Variants in RC3H1 observed in about 807,000 individuals in gnomAD.
RC3H1 encodes the protein roquin-1.
RC3H1 carries 50 observed loss-of-function variants against 138.2 expected under a neutral mutation model. That is an observed-to-expected ratio of 0.36 (90% CI 0.29 to 0.46). The LOEUF is 0.46. Among genes scored for constraint, RC3H1 ranks in the 20% least tolerant of loss-of-function variants. The pLI is 1.00. For synonymous variants in RC3H1, 462 were observed against 489.1 expected (o/e 0.94, Z 0.73); for missense variants, 1,031 against 1,388.1 (o/e 0.74, Z 4.09).
At chr1:173,940,082 T>C (rs571389212) in intron 19 of RC3H1, among the ~76,000 whole-genome samples, 1 of 152,274 alleles carries the variant, frequency 6.6e-6, no homozygotes, top group East Asian at 1.9e-4. Context: ...TACAGAATAA[T>C]ACTGGATGAT....
intron 1 of RC3H1, among the ~76,000 whole-genome samples, chr1:173,996,854 C>A (rs1022341092): frequency 1.3e-5 from 2 of 152,088 alleles, no homozygotes; most frequent in African/African-American, 4.8e-5. Flanking sequence ...AATAAAACTT[C>A]CATTGATCAA....
intron 7 of RC3H1, among the ~76,000 whole-genome samples, chr1:173,974,565 C>A (rs1408405364): frequency 6.6e-6 from 1 of 152,026 alleles, no homozygotes; most frequent in South Asian, 2.1e-4. Flanking sequence ...GGAAAAACAT[C>A]CAAGTTAGAG....
At chr1:173,977,833 C>T (rs964830400) in intron 7 of RC3H1, among the ~76,000 whole-genome samples, 1 of 152,122 alleles carries the variant, frequency 6.6e-6, no homozygotes, top group African/African-American at 2.4e-5. Flanking sequence ...CAAAAAAGTG[C>T]TCAACAACAT....
intron 1 of RC3H1, among the ~76,000 whole-genome samples, chr1:174,016,615 G>A (rs1661867612): frequency 6.6e-6 from 1 of 151,092 alleles, no homozygotes; most frequent in Non-Finnish European, 1.5e-5. Flanking sequence ...TTTCCTTAAG[G>A]AGGGGAGATT....
intron 6 of RC3H1, 22 bp from the exon 7 acceptor site, chr1:173,978,642 CT>C: frequency 6.3e-7 from 1 of 1,598,572 alleles, no homozygotes. Flanking sequence ...TAAATGTTAA[CT>C]TTCCCAAAGG....
At position 173,996,454 on chromosome 1, in the gene RC3H1, G is replaced by A. The variant is rs534196757; in HGVS notation, c.-150-3319C>T. On this transcript the variant is annotated intron_variant, in intron 1 of 19. Transcript: ENST00000367696. ...ACAGCAAGGTCTTCATGGACTATAG[G>A]AATTAATCAACTTGAACAATCAGCC... Among the ~76,000 whole-genome samples, 7 of 152,234 alleles carry A rather than the reference G, an allele frequency of 4.6e-5. No homozygotes were observed. The South Asian group carries it at 1.5e-3, about 32-fold the overall frequency.
chr1:173,972,455 G>T, intron 8 of RC3H1, 54 bp downstream of exon 8: 4 of 1,257,276 alleles, frequency 3.2e-6, no homozygotes, highest in Non-Finnish European at 4.7e-6. Context: ...TTTACCTATA[G>T]TTTTAAGGCA....
chr1:173,945,279 C>T (rs12063266), intron 17 of RC3H1, among the ~76,000 whole-genome samples: 43,913 of 151,938 alleles, frequency 0.29, 11,354 homozygotes, highest in African/African-American at 0.7. Context: ...GCGTGCACTA[C>T]CATGCCTGGC....
rs1236547252 is a variant in RC3H1 at position 173,932,446 on chromosome 1, C to T, written c.*6275G>A. 1 of 151,906 alleles carries T rather than the reference C, an allele frequency of 6.6e-6. No homozygotes were observed. Among genetic ancestry groups the T allele is most frequent in the Non-Finnish European group, 1.5e-5 (1 of 67,930 alleles). The allele number at this position is 151,906 out of a possible 1,614,324, so 9.4% of individuals were successfully genotyped here. The stretch of plus-strand genomic sequence containing the variant: ...GTGGGTGAAAGGTTTTGTTCATTAC[C>T]TTAATTCACTTTTTCCATTGTTCTT... On this transcript the variant is annotated 3_prime_UTR_variant, in exon 20 of 20. Coordinates refer to ENST00000367696, the MANE Select transcript of RC3H1 (RefSeq NM_172071.4).
At chr1:173,950,424 A>AAAAAAAAAAAAAAAAAAAAAAC (rs1659342344) in intron 14 of RC3H1, among the ~76,000 whole-genome samples, 1 of 147,602 alleles carries the variant, frequency 6.8e-6, no homozygotes, top group Admixed American at 6.7e-5. Flanking sequence ...CTCTACCAAA[A>AAAAAAAAAAAAAAAAAAAAAAC]AAAAAAAAAA....
At chr1:173,997,753 C>A (rs1279130404) in intron 1 of RC3H1, among the ~76,000 whole-genome samples, 1 of 152,062 alleles carries the variant, frequency 6.6e-6, no homozygotes, top group African/African-American at 2.4e-5. Context: ...TAATATTAAA[C>A]CTTGACTTTT....
chr1:173,964,355 TTTTC>T (rs1302550334), intron 10 of RC3H1, among the ~76,000 whole-genome samples, 168 bp from the exon 11 acceptor site: 17 of 89,146 alleles, frequency 1.9e-4, no homozygotes, highest in African/African-American at 1.6e-3. Flanking sequence ...TAATTGTTTC[TTTTC>T]TTTTTTTTTT....
In RC3H1 at chr1:173,990,471, G is replaced by A. The variant is rs776348707; in HGVS notation, c.231+2284C>T. ...TATTTTCAGATTGTCCATTGCCAGC[G>A]TATAGAAATACAACATATATATTAC... On this transcript the variant is annotated intron_variant, in intron 2 of 19. Transcript: ENST00000367696. 9.9e-5 allele frequency among the ~76,000 whole-genome samples: 15 copies of A among 151,994 alleles called. No homozygotes were observed. The East Asian group carries it at 2.1e-3, about 22-fold the overall frequency.
At position 173,933,357 on chromosome 1, in the gene RC3H1, A is replaced by G. The variant is rs1658460204; in HGVS notation, c.*5364T>C. On this transcript the variant is annotated 3_prime_UTR_variant, in exon 20 of 20. Transcript: ENST00000367696. ...CTTTGTTCAGTGCAGTATTGAAAAC[A>G]TACCTATTAGGAATAGATTTATTAT... 1 of 152,076 alleles carries G rather than the reference A, an allele frequency of 6.6e-6. No individual in the cohort carries two copies. The highest frequency in any genetic ancestry group is 2.4e-5 in the African/African-American group (1 of 41,416). The allele number at this position is 152,076 out of a possible 1,614,324, so 9.4% of individuals were successfully genotyped here.
chr1:174,001,868 A>G (rs1466809122), intron 1 of RC3H1, among the ~76,000 whole-genome samples: 1 of 152,240 alleles, frequency 6.6e-6, no homozygotes, highest in African/African-American at 2.4e-5. Context: ...AAATAAATTT[A>G]TAATCACCAA....
At chr1:173,988,840 A>C (rs1278138932) in intron 2 of RC3H1, among the ~76,000 whole-genome samples, 1 of 152,204 alleles carries the variant, frequency 6.6e-6, no homozygotes, top group Non-Finnish European at 1.5e-5. Context: ...CAACTGTATA[A>C]TCTACTTGAC....
intron 14 of RC3H1, among the ~76,000 whole-genome samples, chr1:173,949,932 C>T (rs113214473): frequency 1.3e-4 from 20 of 151,918 alleles, no homozygotes; most frequent in African/African-American, 4.1e-4. Context: ...TTTGGGAGGC[C>T]GAGGAGGGCA....
rs67347506 is a variant in RC3H1 at position 173,963,276 on chromosome 1, CTT to C, written c.1831+695_1831+696del. 3.3e-5 allele frequency among the ~76,000 whole-genome samples: 5 copies of C among 150,738 alleles called. No homozygotes were observed. The East Asian group carries it at 5.9e-4, about 18-fold the overall frequency. On this transcript the variant is annotated intron_variant, in intron 11 of 19. Coordinates refer to ENST00000367696, the MANE Select transcript of RC3H1 (RefSeq NM_172071.4). ...TCTCATTTTTCCAATCCATTCATAA[CTT>C]TTTTTTTTCTATTCCAAATACCTCT...
chr1:173,943,023 T>C (rs754654793), intron 18 of RC3H1, among the ~76,000 whole-genome samples: 22 of 152,186 alleles, frequency 1.4e-4, no homozygotes, highest in Admixed American at 1.3e-4. Context: ...TGCATATCAC[T>C]CATAGCAAAA....
Sources: gnomAD v4.1 joint callset for allele counts (sites outside exome capture counted in the v4.1 genomes callset) on GRCh38, gnomAD v4.1.1 for gene constraint, MANE v1.5 for transcripts, NCBI Gene and HGNC (gene_info 2026-07-23, HGNC 2026-07-21) for gene names.